OCA2: variants seen among roughly 807,000 people sequenced by gnomAD.
OCA2 encodes the protein P protein.
Under a neutral mutation model 100.2 loss-of-function variants are expected in OCA2, and 77 were observed. That is an observed-to-expected ratio of 0.77 (90% CI 0.64 to 0.93). The LOEUF is 0.93. OCA2 is among the 40% of genes least tolerant of loss of function. OCA2 has a pLI of 0.00. For missense variants in OCA2, 1,062 were observed against 1,089.1 expected, an observed-to-expected ratio of 0.98 and a Z score of 0.35; for synonymous variants, 432 against 439.2, an observed-to-expected ratio of 0.98 and a Z score of 0.21.
At chr15:27,981,911 C>T (rs780244618) in intron 14 of OCA2, among the ~76,000 whole-genome samples, 15 of 152,206 alleles carry the variant, frequency 9.9e-5, no homozygotes, top group Non-Finnish European at 2.2e-4. Flanking sequence ...CCTCCCTGCA[C>T]TGCACTCTGG....
Position 27,989,635 on chromosome 15 carries a change from A to T in OCA2, c.1148T>A (p.Ile383Asn). Residue 383 changes from isoleucine (I) to asparagine (N), a missense_variant, in exon 11 of 24, where the codon ATT (isoleucine) becomes AAT (asparagine). Ile to Asn is a moderately radical substitution (Grantham distance 149, BLOSUM62 -3). Coordinates refer to ENST00000354638, the MANE Select transcript of OCA2 (RefSeq NM_000275.3). ...RPSLTHVVEW[I>N]DFETLALLFG... ...CAGCAGGGCCAGCGTCTCAAAATCA[A>T]TCCACTCCACCACATGGGTCAGGCT... 6.2e-7 allele frequency: 1 copy of T among 1,614,140 alleles called. No homozygotes were observed. Among genetic ancestry groups the T allele is most frequent in the Non-Finnish European group, 8.5e-7 (1 of 1,180,010 alleles).
chr15:27,818,882 T>C (rs577007984), intron 23 of OCA2, among the ~76,000 whole-genome samples: 1 of 152,300 alleles, frequency 6.6e-6, no homozygotes, highest in Non-Finnish European at 1.5e-5. Flanking sequence ...GATTTGTGTT[T>C]CCTAAGTGCC....
intron 18 of OCA2, among the ~76,000 whole-genome samples, chr15:27,930,832 T>G (rs1318185970): frequency 6.6e-6 from 1 of 151,922 alleles, no homozygotes; most frequent in Non-Finnish European, 1.5e-5. Flanking sequence ...ATTCCAACTC[T>G]AAGGTTCACT....
At chr15:27,775,838 G>A (rs2032179729) in intron 23 of OCA2, 1 of 152,258 alleles carries the variant, frequency 6.6e-6, no homozygotes, top group African/African-American at 2.4e-5. Flanking sequence ...GATGTGGCCA[G>A]ACTGGATGAG....
chr15:28,020,680 GA>G (rs1038373370), intron 6 of OCA2, among the ~76,000 whole-genome samples: 16 of 152,218 alleles, frequency 1.1e-4, no homozygotes, highest in African/African-American at 3.9e-4. Context: ...CTCACATGGA[GA>G]TACTTTACAG....
At chr15:28,045,466 AT>A (rs1037967806) in intron 2 of OCA2, among the ~76,000 whole-genome samples, 11 of 152,210 alleles carry the variant, frequency 7.2e-5, no homozygotes, top group Admixed American at 2.6e-4. Context: ...GATTATTTTT[AT>A]TTCAATTGCC....
chr15:28,085,132 C>A (rs1300744566), intron 1 of OCA2, among the ~76,000 whole-genome samples: 1 of 152,132 alleles, frequency 6.6e-6, no homozygotes, highest in Non-Finnish European at 1.5e-5. Flanking sequence ...TCCTTGCTGC[C>A]TATGCCTGCA....
chr15:27,953,128 T>C (rs939498410), intron 17 of OCA2, among the ~76,000 whole-genome samples: 19 of 152,354 alleles, frequency 1.2e-4, no homozygotes, highest in Admixed American at 1.2e-3. Context: ...TCTCGATATC[T>C]ACCATCATAG....
At chr15:28,028,194 A>G (rs1206041234) in intron 3 of OCA2, 135 bp from the exon 4 acceptor site, 1 of 983,622 alleles carries the variant, frequency 1.0e-6, no homozygotes, top group Admixed American at 2.0e-5. Flanking sequence ...ACAGTGGTGC[A>G]CTCTCATACT....
At chr15:27,738,477 T>C in the OCA2 span, among the ~76,000 whole-genome samples, 2 of 152,158 alleles carry the variant, frequency 1.3e-5, no homozygotes, top group South Asian at 2.1e-4. Context: ...GGCTCATGCC[T>C]GTAATCCCAG....
At chr15:28,018,697 G>T in intron 6 of OCA2, 140 bp from the exon 7 acceptor site, 2 of 762,356 alleles carry the variant, frequency 2.6e-6, no homozygotes, top group South Asian at 1.5e-5. Context: ...CCATTAACAC[G>T]ATCTTCCTGC....
chr15:27,813,852 T>C (rs1486558910), intron 23 of OCA2, among the ~76,000 whole-genome samples: 1 of 152,226 alleles, frequency 6.6e-6, no homozygotes, highest in Non-Finnish European at 1.5e-5. Context: ...TTATAAAATC[T>C]ATAGAGAAAA....
intron 1 of OCA2, among the ~76,000 whole-genome samples, chr15:28,097,159 G>T: frequency 6.6e-6 from 1 of 152,318 alleles, no homozygotes; most frequent in South Asian, 2.1e-4. Flanking sequence ...GCGCCTCAGT[G>T]GGTGGCCGGG....
At chr15:27,898,024 A>G (rs1305644856) in intron 19 of OCA2, among the ~76,000 whole-genome samples, 1 of 152,130 alleles carries the variant, frequency 6.6e-6, no homozygotes, top group Non-Finnish European at 1.5e-5. Flanking sequence ...CATTTCTCCC[A>G]TTTGGAATGG....
rs184120129 is a variant in OCA2 at position 28,034,995 on chromosome 15, C to T, written c.228-2832G>A. Among the ~76,000 whole-genome samples the T allele has an allele frequency of 2.2e-3, 334 of 152,218 alleles. 2 individuals are homozygous for T. Among genetic ancestry groups the T allele is most frequent in the Non-Finnish European group, 3.7e-3 (252 of 68,018 alleles). ...AGGAGAGTGCCCAGGAGAGTGGAGGCGCTATTGCTCCTTGGAAAGCATGAC... is the reference window on the plus strand; with the variant it reads ...AGGAGAGTGCCCAGGAGAGTGGAGGTGCTATTGCTCCTTGGAAAGCATGAC... On this transcript the variant is annotated intron_variant, in intron 2 of 23. Transcript: ENST00000354638.
the OCA2 span, among the ~76,000 whole-genome samples, chr15:27,728,658 A>G: frequency 1.3e-5 from 2 of 152,080 alleles, no homozygotes; most frequent in African/African-American, 2.4e-5. Context: ...CTTTGCGGAG[A>G]TGGCTGAGGA....
At chr15:27,911,603 G>A (rs1257179833) in intron 19 of OCA2, among the ~76,000 whole-genome samples, 1 of 152,052 alleles carries the variant, frequency 6.6e-6, no homozygotes, top group Non-Finnish European at 1.5e-5. Flanking sequence ...CAAGAGAGAA[G>A]GGGGAGGTGC....
At position 28,082,024 on chromosome 15, in the gene OCA2, C is replaced by T. The variant is rs56082644; in HGVS notation, c.-21-129G>A. 0.069 allele frequency: 51,444 copies of T among 750,518 alleles called. 2,098 individuals are homozygous for T. The highest frequency in any genetic ancestry group is 0.09 in the Middle Eastern group (245 of 2,728). 46.5% of individuals were successfully genotyped at this position (750,518 alleles called of 1,614,324 possible). On this transcript the variant is annotated intron_variant, in intron 1 of 23. Coordinates refer to ENST00000354638, the MANE Select transcript of OCA2 (RefSeq NM_000275.3). Reference sequence around the variant, plus strand: ...TCCCAGAGTTCCAGCATCCTAACCACGCAAGAGCATTTCACCCTAGTGAGA... The same window carrying T: ...TCCCAGAGTTCCAGCATCCTAACCATGCAAGAGCATTTCACCCTAGTGAGA...
intron 19 of OCA2, among the ~76,000 whole-genome samples, chr15:27,878,702 T>C (rs1364541121): frequency 6.6e-6 from 1 of 152,152 alleles, no homozygotes; most frequent in Admixed American, 6.5e-5. Context: ...CTTTATTTCA[T>C]CCTGTGTTTT....
Sources: gnomAD v4.1 joint callset for allele counts (sites outside exome capture counted in the v4.1 genomes callset) on GRCh38, gnomAD v4.1.1 for gene constraint, MANE v1.5 for transcripts, NCBI Gene and HGNC (gene_info 2026-07-23, HGNC 2026-07-21) for gene names.